Variants in ADNP2 observed in about 807,000 individuals in gnomAD.
ADNP2 encodes the protein ADNP homeobox 2.
ADNP2 carries 8 observed loss-of-function variants against 16.4 expected under a neutral mutation model. That is an observed-to-expected ratio of 0.49 (90% CI 0.29 to 0.88). ADNP2 has a LOEUF of 0.88. Among genes scored for constraint, ADNP2 ranks in the 40% least tolerant of loss-of-function variants. The pLI is 0.09. For synonymous variants in ADNP2, 637 were observed against 545.8 expected (o/e 1.17, Z -2.33); for missense variants, 1,397 against 1,395.1 (o/e 1.00, Z -0.02).
intron 1 of ADNP2, among the ~76,000 whole-genome samples, chr18:80,112,898 C>T (rs930256664): frequency 2.0e-5 from 3 of 152,210 alleles, no homozygotes; most frequent in Admixed American, 1.3e-4. Flanking sequence ...ATGATGGTCC[C>T]TACTTTAGAC....
At position 80,137,005 on chromosome 18, in the gene ADNP2, T is replaced by C. The variant is rs1279513435; in HGVS notation, c.1592T>C (p.Val531Ala). The change falls in exon 4 of 4, where the codon GTT becomes GCT. Residue 531 changes from valine to alanine, a missense_variant. By Grantham distance (64) the Val-to-Ala change is moderately conservative. Coordinates refer to ENST00000262198, the MANE Select transcript of ADNP2 (RefSeq NM_014913.4). The surrounding 1 kb of genome is among the most constrained non-coding windows in gnomAD (Gnocchi z 4.2). ...AACCAGACAGTCTCCTCCTCAGCTG[T>C]TGTGCCTGTAAACCAGGGTGTGAAT... ...SPNQTVSSSA[V>A]VPVNQGVNSG... 1 of 1,614,122 alleles carries C rather than the reference T, an allele frequency of 6.2e-7. No individual in the cohort carries two copies. Among genetic ancestry groups the C allele is most frequent in the Non-Finnish European group, 8.5e-7 (1 of 1,179,998 alleles).
chr18:80,114,101 G>A (rs1268455183), intron 1 of ADNP2, among the ~76,000 whole-genome samples: 1 of 151,326 alleles, frequency 6.6e-6, no homozygotes, highest in Non-Finnish European at 1.5e-5. Flanking sequence ...GTTGAGGCAG[G>A]AGGATTGCTT....
At chr18:80,131,520 C>T (rs969508562) in intron 2 of ADNP2, among the ~76,000 whole-genome samples, 1 of 149,396 alleles carries the variant, frequency 6.7e-6, no homozygotes, top group Non-Finnish European at 1.5e-5. Context: ...ATGGATTGAA[C>T]AATAGCGGTA....
Position 80,135,731 on chromosome 18 carries a change from C to T in ADNP2, c.318C>T (p.Ile106=), listed in dbSNP as rs2052527768. The T allele has an allele frequency of 1.2e-6, 2 of 1,614,196 alleles. No individual in the cohort carries two copies. Among genetic ancestry groups the T allele is most frequent in the Non-Finnish European group, 1.7e-6 (2 of 1,180,034 alleles). ...ATGAAATTGACCAAGAGCTGGTGAT[C>T]CCTTGCCCAAACTGTGTATTTGCAT... is the stretch of plus-strand genomic sequence containing the variant. ...HEDEIDQELV[I]PCPNCVFASQ... The change falls in exon 4 of 4, where the codon ATC becomes ATT. Residue 106 remains isoleucine, a synonymous_variant. Coordinates refer to ENST00000262198, the MANE Select transcript of ADNP2 (RefSeq NM_014913.4).
chr18:80,114,862 T>C (rs2052379324), intron 1 of ADNP2, among the ~76,000 whole-genome samples: 1 of 152,118 alleles, frequency 6.6e-6, no homozygotes, highest in Admixed American at 6.5e-5. Context: ...ACTCCCATGC[T>C]GGTAGTTGAT....
At chr18:80,127,319 C>T (rs1033210628) in intron 2 of ADNP2, among the ~76,000 whole-genome samples, 4 of 143,944 alleles carry the variant, frequency 2.8e-5, no homozygotes, top group Non-Finnish European at 6.0e-5. Flanking sequence ...CTCATTGATG[C>T]CGTTGTTGGG....
intron 2 of ADNP2, among the ~76,000 whole-genome samples, chr18:80,122,470 G>A (rs2052431063): frequency 6.6e-6 from 1 of 152,170 alleles, no homozygotes; most frequent in Non-Finnish European, 1.5e-5. Flanking sequence ...TCCTATTTGT[G>A]AACATACTCT....
chr18:80,119,237 C>T (rs1599807231), intron 2 of ADNP2, among the ~76,000 whole-genome samples: 1 of 151,934 alleles, frequency 6.6e-6, no homozygotes, highest in East Asian at 1.9e-4. Context: ...AATTAGAGTT[C>T]TTTGTTTTCA....
At position 80,138,903 on chromosome 18, in the gene ADNP2, C is replaced by T. The variant is rs2052562885; in HGVS notation, c.*94C>T. 2 of 1,188,202 alleles carry T rather than the reference C, an allele frequency of 1.7e-6. No homozygotes were observed. The highest frequency in any genetic ancestry group is 1.6e-5 in the African/African-American group (1 of 64,066). 73.6% of individuals were successfully genotyped at this position (1,188,202 alleles called of 1,614,324 possible). On this transcript the variant is annotated 3_prime_UTR_variant, in exon 4 of 4. Transcript: ENST00000262198. The stretch of plus-strand genomic sequence containing the variant: ...TGTTGTCCTCACTGTGTTGGTGAAT[C>T]AACCTCAGTGGTCACTGTGCTGCTC...
In ADNP2 at chr18:80,138,307, G is replaced by T; in HGVS notation, c.2894G>T (p.Ser965Ile). 6.2e-7 allele frequency: 1 copy of T among 1,614,166 alleles called. No individual in the cohort carries two copies. The highest frequency in any genetic ancestry group is 8.5e-7 in the Non-Finnish European group (1 of 1,180,044). ...FIHNSELLLV[S>I]GEVMHDSSFS... is the part of the protein sequence containing the mutation. Reference sequence around the variant, plus strand: ...CACAACAGTGAACTGCTTTTAGTCAGTGGTGAAGTGATGCATGATTCCAGT... The same window carrying T: ...CACAACAGTGAACTGCTTTTAGTCATTGGTGAAGTGATGCATGATTCCAGT... The change falls in exon 4 of 4, where the codon AGT becomes ATT. Residue 965 changes from serine (S) to isoleucine (I), a missense_variant. Ser to Ile is a moderately radical substitution (Grantham distance 142). Transcript: ENST00000262198.
chr18:80,135,673 C>T lies in ADNP2; in HGVS notation c.260C>T (p.Ser87Leu), dbSNP rs1207500391. ...LCKYSTKVLT[S>L]FKNHLHRYHE... Reference sequence around the variant, plus strand: ...AAATACTCTACAAAGGTGCTTACTTCATTCAAGAATCATTTACATCGTTAC... The same window carrying T: ...AAATACTCTACAAAGGTGCTTACTTTATTCAAGAATCATTTACATCGTTAC... The change falls in exon 4 of 4, where the codon TCA becomes TTA. Residue 87 changes from serine to leucine, a missense_variant. Transcript: ENST00000262198. 7 of 1,614,214 alleles carry T rather than the reference C, an allele frequency of 4.3e-6. No homozygotes were observed. Among genetic ancestry groups the T allele is most frequent in the Non-Finnish European group, 5.9e-6 (7 of 1,180,032 alleles).
At chr18:80,129,402 C>A (rs1040630154) in intron 2 of ADNP2, among the ~76,000 whole-genome samples, 2 of 152,140 alleles carry the variant, frequency 1.3e-5, no homozygotes, top group Admixed American at 1.3e-4. Context: ...CACACCCGAC[C>A]CCCAGAACAT....
In ADNP2 at chr18:80,134,534, C is replaced by T. The variant is rs2052519824; in HGVS notation, c.199-1078C>T. On this transcript the variant is annotated intron_variant, in intron 3 of 3. Coordinates refer to ENST00000262198, the MANE Select transcript of ADNP2 (RefSeq NM_014913.4). The stretch of plus-strand genomic sequence containing the variant: ...TTAGATGAAGCTAGGTCTTAGCTTC[C>T]TTGTTTGTGGAACTGGGGAGCAGGT... 2.0e-5 allele frequency among the ~76,000 whole-genome samples: 3 copies of T among 151,870 alleles called. No individual in the cohort carries two copies. The South Asian group carries it at 6.2e-4, about 32-fold the overall frequency.
Position 80,135,796 on chromosome 18 carries a change from A to G in ADNP2, c.383A>G (p.His128Arg). 1.2e-6 allele frequency: 2 copies of G among 1,614,168 alleles called. No individual in the cohort carries two copies. Among genetic ancestry groups the G allele is most frequent in the Non-Finnish European group, 1.7e-6 (2 of 1,180,038 alleles). ...GTGGGAAGGCACTTCAGAATGTTCCATGCACCTGTCCGGAAAGTCCAGAAC... is the reference window on the plus strand; with the variant it reads ...GTGGGAAGGCACTTCAGAATGTTCCGTGCACCTGTCCGGAAAGTCCAGAAC... ...KVVGRHFRMF[H>R]APVRKVQNYT... Residue 128 changes from histidine (H) to arginine (R), a missense_variant, in exon 4 of 4, where the codon CAT becomes CGT. Transcript: ENST00000262198.
chr18:80,137,746 C>T lies in ADNP2; in HGVS notation c.2333C>T (p.Thr778Ile), dbSNP rs2052551518. 1.2e-6 allele frequency: 2 copies of T among 1,614,082 alleles called. No individual in the cohort carries two copies. Among genetic ancestry groups the T allele is most frequent in the Admixed American group, 1.7e-5 (1 of 60,012 alleles). Residue 778 changes from threonine to isoleucine, a missense_variant, in exon 4 of 4, where the codon ACC becomes ATC. Thr to Ile is a moderately conservative substitution (Grantham distance 89). Coordinates refer to ENST00000262198, the MANE Select transcript of ADNP2 (RefSeq NM_014913.4). This position sits in a 1 kb window ranked among gnomAD's most constrained non-coding sequence, Gnocchi z 4.2. ...HGLGCLFCPCTFHDIKGLSEH... is the reference protein window; with the variant it reads ...HGLGCLFCPCIFHDIKGLSEH... The stretch of plus-strand genomic sequence containing the variant: ...TTGGGGTGCTTGTTCTGTCCATGCA[C>T]CTTCCATGATATCAAAGGTCTTTCA...
In ADNP2 at chr18:80,138,962, G is replaced by C. The variant is rs1360008372; in HGVS notation, c.*153G>C. 9 of 599,566 alleles carry C rather than the reference G, an allele frequency of 1.5e-5. No homozygotes were observed. Among genetic ancestry groups the C allele is most frequent in the Non-Finnish European group, 2.3e-5 (9 of 388,100 alleles). The allele number at this position is 599,566 out of a possible 1,614,324, so 37.1% of individuals were successfully genotyped here. A position where few individuals can be genotyped will look rare whatever the true frequency, so the allele number is the denominator to read the frequency against. ...TACTTCAGGTGCTGGAGAGACCCCT[G>C]TTACCAGGAAGCCAGTAGTTATTTC... On this transcript the variant is annotated 3_prime_UTR_variant, in exon 4 of 4. Coordinates refer to ENST00000262198, the MANE Select transcript of ADNP2 (RefSeq NM_014913.4).
chr18:80,136,860 C>T lies in ADNP2; in HGVS notation c.1447C>T (p.Gln483Ter). 1 of 1,613,986 alleles carries T rather than the reference C, an allele frequency of 6.2e-7. No homozygotes were observed. Residue 483 changes from glutamine (Q) to a stop codon, truncating the protein, a stop_gained, in exon 4 of 4, where the codon CAG (glutamine) becomes TAG (stop). Transcript: ENST00000262198. LOFTEE classifies it low-confidence loss of function (END_TRUNC). ...SGVLPTGQMV[Q>*]SGVLPVGQTA... ...GGTTCTTCCTACTGGCCAGATGGTCCAGTCAGGAGTTCTCCCTGTGGGCCA... is the reference window on the plus strand; with the variant it reads ...GGTTCTTCCTACTGGCCAGATGGTCTAGTCAGGAGTTCTCCCTGTGGGCCA...
At chr18:80,115,561 A>G (rs566511529) in intron 1 of ADNP2, among the ~76,000 whole-genome samples, 16 of 152,188 alleles carry the variant, frequency 1.1e-4, no homozygotes, top group Non-Finnish European at 1.9e-4. Flanking sequence ...AGTCTGGTCA[A>G]GTACTACAGG....
At chr18:80,123,417 G>C (rs1351102690) in intron 2 of ADNP2, among the ~76,000 whole-genome samples, 1 of 151,986 alleles carries the variant, frequency 6.6e-6, no homozygotes, top group Non-Finnish European at 1.5e-5. Context: ...TATTGCCCAG[G>C]CTGGAGTGCA....
Sources: allele counts gnomAD v4.1 joint callset (sites outside exome capture counted in the v4.1 genomes callset), GRCh38; gene constraint gnomAD v4.1.1; non-coding constraint Gnocchi (gnomAD v3.1); transcripts MANE v1.5; gene names NCBI Gene and HGNC (gene_info 2026-07-23, HGNC 2026-07-21).